VWA8: variants seen among roughly 807,000 people sequenced by gnomAD.
VWA8 encodes the protein von Willebrand factor A domain-containing protein 8.
A neutral mutation model predicts 241.5 loss-of-function variants in VWA8; 221 were observed. That is an observed-to-expected ratio of 0.91 (90% confidence interval 0.82 to 1.02). The LOEUF (loss-of-function observed/expected upper bound fraction) is 1.02. Ranked by LOEUF, VWA8 falls within the 50% of genes least tolerant of loss-of-function variation. The pLI, the probability that VWA8 is intolerant of heterozygous loss-of-function variation, is 0.00. For synonymous variants in VWA8, 852 were observed against 827.1 expected, an observed-to-expected ratio of 1.03 and a Z score of -0.52; for missense variants, 2,322 against 2,328.7, an observed-to-expected ratio of 1.00 and a Z score of 0.06.
chr13:41,858,419 A>T (rs1872854176), intron 12 of VWA8, among the ~76,000 whole-genome samples: 1 of 152,182 alleles, frequency 6.6e-6, no homozygotes, highest in Non-Finnish European at 1.5e-5. Context: ...CAGCCTGGCC[A>T]ACATGGCAAA....
chr13:41,905,956 C>A (rs1875693774), intron 4 of VWA8, among the ~76,000 whole-genome samples: 1 of 151,982 alleles, frequency 6.6e-6, no homozygotes, highest in African/African-American at 2.4e-5. Flanking sequence ...ATGAAGTGAA[C>A]TTTTGGCATT....
intron 39 of VWA8, among the ~76,000 whole-genome samples, chr13:41,608,909 T>C (rs1366200072): frequency 6.6e-6 from 1 of 152,226 alleles, no homozygotes; most frequent in African/African-American, 2.4e-5. Context: ...AAATGCTGTG[T>C]TGATGATGTC....
chr13:41,795,986 G>T lies in VWA8; in HGVS notation c.2064-8443C>A, dbSNP rs146923345. On this transcript the variant is annotated intron_variant, in intron 17 of 44. Transcript: ENST00000379310. Reference sequence around the variant, plus strand: ...AAATAAAGAAAAAAATAAATAAAATGCATCTAAAAATGATTCATTCTAGGA... The same window carrying T: ...AAATAAAGAAAAAAATAAATAAAATTCATCTAAAAATGATTCATTCTAGGA... Among the ~76,000 whole-genome samples, 13 of 152,064 alleles carry T rather than the reference G, an allele frequency of 8.5e-5. No homozygotes were observed. The East Asian group carries it at 2.1e-3, about 25-fold the overall frequency.
rs116325935 is a variant in VWA8 at position 41,952,660 on chromosome 13, A to G, written c.164-2647T>C. 1.7e-3 allele frequency among the ~76,000 whole-genome samples: 258 copies of G among 152,294 alleles called. 2 individuals carry two copies. Among genetic ancestry groups the G allele is most frequent in the African/African-American group, 5.7e-3 (237 of 41,556 alleles). ...ATTACAAACATTCCCTGAGTGTTAG[A>G]GCTGACCGACATCATCCTTCTAATA... On this transcript the variant is annotated intron_variant, in intron 1 of 44. Coordinates refer to ENST00000379310, the MANE Select transcript of VWA8 (RefSeq NM_015058.2).
At chr13:41,626,228 A>G (rs2044690081) in intron 37 of VWA8, among the ~76,000 whole-genome samples, 1 of 152,168 alleles carries the variant, frequency 6.6e-6, no homozygotes, top group African/African-American at 2.4e-5. Context: ...AACTTAAAGT[A>G]TAATAATAAA....
At chr13:41,657,710 C>T (rs1161059591) in intron 37 of VWA8, among the ~76,000 whole-genome samples, 11 of 151,778 alleles carry the variant, frequency 7.2e-5, no homozygotes, top group Admixed American at 2.0e-4. Flanking sequence ...AGGATGGTCT[C>T]GATCTCCTGA....
chr13:41,573,123 A>AGAAAAG (rs2044320914), intron 43 of VWA8, among the ~76,000 whole-genome samples: 1 of 150,342 alleles, frequency 6.7e-6, no homozygotes, highest in African/African-American at 2.5e-5. Context: ...AAAAAAAAAA[A>AGAAAAG]AAAAGAAACA....
chr13:41,863,455 T>TCACACA (rs150069827), intron 12 of VWA8, among the ~76,000 whole-genome samples: 106 of 87,148 alleles, frequency 1.2e-3, no homozygotes, highest in African/African-American at 3.9e-3. Flanking sequence ...ATATATATAT[T>TCACACA]CACACACACA....
intron 37 of VWA8, among the ~76,000 whole-genome samples, chr13:41,667,606 C>A (rs1400051468): frequency 6.6e-6 from 1 of 152,148 alleles, no homozygotes; most frequent in Admixed American, 6.5e-5. Flanking sequence ...AAAGCTATAA[C>A]CTTTTAAGCC....
At chr13:41,688,049 C>A (rs1349734709) in intron 34 of VWA8, among the ~76,000 whole-genome samples, 2 of 151,812 alleles carry the variant, frequency 1.3e-5, no homozygotes, top group Non-Finnish European at 2.9e-5. Context: ...TTTTTTACAG[C>A]AGCAAACATT....
chr13:41,906,952 G>A (rs1875748908), intron 4 of VWA8, among the ~76,000 whole-genome samples: 1 of 151,968 alleles, frequency 6.6e-6, no homozygotes, highest in Admixed American at 6.6e-5. Context: ...AGAAAGTCAA[G>A]CATCTTTTCA....
At chr13:41,751,995 T>C (rs2045659885) in intron 21 of VWA8, among the ~76,000 whole-genome samples, 1 of 152,180 alleles carries the variant, frequency 6.6e-6, no homozygotes, top group East Asian at 1.9e-4. Context: ...CCACACCAAG[T>C]ACCTGCCTCA....
intron 17 of VWA8, chr13:41,807,766 T>G (rs911656597): frequency 1.3e-5 from 2 of 152,194 alleles, no homozygotes; most frequent in Non-Finnish European, 2.9e-5. Flanking sequence ...TGGGTTGTAA[T>G]GCACTATACT....
At chr13:41,864,141 T>TA (rs1173896404) in intron 12 of VWA8, among the ~76,000 whole-genome samples, 3,682 of 114,266 alleles carry the variant, frequency 0.032, 77 homozygotes, top group African/African-American at 0.072. Context: ...ATGATGATTA[T>TA]AAAAAAAAAA....
intron 20 of VWA8, among the ~76,000 whole-genome samples, chr13:41,767,911 C>A (rs1347874568): frequency 6.6e-6 from 1 of 152,124 alleles, no homozygotes; most frequent in Non-Finnish European, 1.5e-5. Flanking sequence ...TCTGCAGGAA[C>A]AAAATACAGA....
intron 12 of VWA8, among the ~76,000 whole-genome samples, chr13:41,842,467 C>CT (rs929285816): frequency 1.3e-5 from 2 of 152,174 alleles, no homozygotes; most frequent in Non-Finnish European, 2.9e-5. Flanking sequence ...TTCAGTTACT[C>CT]TGCTGTCAAT....
chr13:41,716,601 T>C (rs1313455133), intron 26 of VWA8, among the ~76,000 whole-genome samples: 2 of 152,006 alleles, frequency 1.3e-5, no homozygotes, highest in Non-Finnish European at 2.9e-5. Context: ...TTTAGCTATA[T>C]GTAGTGGGTG....
At chr13:41,893,520 C>CA (rs35057591) in intron 4 of VWA8, among the ~76,000 whole-genome samples, 6 of 141,566 alleles carry the variant, frequency 4.2e-5, no homozygotes, top group South Asian at 2.2e-4. Flanking sequence ...AGAACAACAA[C>CA]AAAAAAAAGA....
At position 41,681,926 on chromosome 13, in the gene VWA8, G is replaced by A. The variant is rs528926178; in HGVS notation, c.4327+3121C>T. Among the ~76,000 whole-genome samples, 4 of 152,288 alleles carry A rather than the reference G, an allele frequency of 2.6e-5. No homozygotes were observed. The South Asian group carries it at 8.3e-4, about 32-fold the overall frequency. On this transcript the variant is annotated intron_variant, in intron 35 of 44. Transcript: ENST00000379310. Reference sequence around the variant, plus strand: ...TTTTGTAAATTCAAATTAACTGAAAGAAGTCGGAGAGTTATGTAATGGACA... The same window carrying A: ...TTTTGTAAATTCAAATTAACTGAAAAAAGTCGGAGAGTTATGTAATGGACA...
Sources: gnomAD v4.1 joint callset for allele counts (sites outside exome capture counted in the v4.1 genomes callset) on GRCh38, gnomAD v4.1.1 for gene constraint, MANE v1.5 for transcripts, NCBI Gene and HGNC (gene_info 2026-07-23, HGNC 2026-07-21) for gene names.